The following AGBL4 variants were observed in gnomAD, a reference collection of about 807,000 sequenced individuals.
AGBL4 encodes AGBL carboxypeptidase 4.
AGBL4 carries 58 observed loss-of-function variants against 66.4 expected under a neutral mutation model. The ratio of observed to expected loss-of-function variants is 0.87; its 90% CI spans 0.71 to 1.09. The LOEUF (loss-of-function observed/expected upper bound fraction) is 1.09. Ranked by LOEUF, AGBL4 falls within the 50% of genes least tolerant of loss-of-function variation. The pLI is 0.00. For missense variants in AGBL4, 579 were observed against 631.0 expected (o/e 0.92, Z 0.88); for synonymous variants, 234 against 222.9 (o/e 1.05, Z -0.44).
In AGBL4 at chr1:49,288,310, C is replaced by T. The variant is rs1180718465; in HGVS notation, c.283-42446G>A. 2.0e-5 allele frequency among the ~76,000 whole-genome samples: 3 copies of T among 149,324 alleles called. No individual in the cohort carries two copies. The East Asian group carries it at 6.0e-4, about 30-fold the overall frequency. On this transcript the variant is annotated intron_variant, in intron 3 of 13. Transcript: ENST00000371839. ...AGCACACCAGCATGGCACATGTATA[C>T]ATATGTAACTAACCTGCACAATGTG...
chr1:49,603,713 C>A (rs1480943375), intron 3 of AGBL4, among the ~76,000 whole-genome samples: 1 of 151,820 alleles, frequency 6.6e-6, no homozygotes, highest in Non-Finnish European at 1.5e-5. Flanking sequence ...TACCTTCACT[C>A]CCCTCCCTCC....
chr1:48,601,730 C>T (rs1645076405), intron 9 of AGBL4, among the ~76,000 whole-genome samples: 1 of 152,156 alleles, frequency 6.6e-6, no homozygotes, highest in Non-Finnish European at 1.5e-5. Context: ...CAGAGCCTGG[C>T]TTATCAAGAT....
rs543052239 is a variant in AGBL4, at chr1:48,932,348, G to A, written c.595-65118C>T. 1.6e-4 allele frequency among the ~76,000 whole-genome samples: 24 copies of A among 152,154 alleles called. No homozygotes were observed. The South Asian group carries it at 2.3e-3, about 14-fold the overall frequency. On this transcript the variant is annotated intron_variant, in intron 5 of 13. Transcript: ENST00000371839. ...TCCTTTAGTCTAGTTTTGATTTCCC[G>A]TGTAAAAGGGTCATGAAATTAATGG... is the stretch of plus-strand genomic sequence containing the variant.
intron 3 of AGBL4, among the ~76,000 whole-genome samples, chr1:49,490,589 C>A (rs1438686529): frequency 6.6e-6 from 1 of 151,726 alleles, no homozygotes; most frequent in East Asian, 1.9e-4. Flanking sequence ...ATACTTCTCT[C>A]AAATGTCAGA....
intron 3 of AGBL4, among the ~76,000 whole-genome samples, chr1:49,344,072 G>A (rs1570479057): frequency 6.6e-6 from 1 of 152,242 alleles, no homozygotes; most frequent in African/African-American, 2.4e-5. Context: ...AGGACATGTA[G>A]AGTTAGCCAT....
At chr1:49,691,076 G>A (rs1238753024) in intron 3 of AGBL4, among the ~76,000 whole-genome samples, 2 of 152,100 alleles carry the variant, frequency 1.3e-5, no homozygotes, top group Non-Finnish European at 2.9e-5. Flanking sequence ...AGGTGGAGGA[G>A]GAGGTGAAGG....
intron 2 of AGBL4, among the ~76,000 whole-genome samples, chr1:49,734,844 CTT>C (rs569014716): frequency 1.0e-3 from 157 of 151,824 alleles, no homozygotes; most frequent in African/African-American, 1.5e-3. Context: ...TCATGGGAAA[CTT>C]ATATTATTTT....
intron 3 of AGBL4, among the ~76,000 whole-genome samples, chr1:49,463,959 A>G (rs1394876575): frequency 1.3e-5 from 2 of 151,804 alleles, no homozygotes; most frequent in Non-Finnish European, 2.9e-5. Flanking sequence ...TATTTCCAGC[A>G]TCTGGTACAG....
intron 1 of AGBL4, among the ~76,000 whole-genome samples, chr1:50,017,847 CATA>C (rs1416476859): frequency 6.6e-6 from 1 of 152,048 alleles, no homozygotes; most frequent in Non-Finnish European, 1.5e-5. Flanking sequence ...GCAATTTATC[CATA>C]TAACAAACCT....
At chr1:49,656,069 C>A (rs1295233854) in intron 3 of AGBL4, among the ~76,000 whole-genome samples, 8 of 151,960 alleles carry the variant, frequency 5.3e-5, no homozygotes, top group African/African-American at 1.2e-4. Flanking sequence ...ATAGCTTGAA[C>A]CTGGGAGGCG....
At chr1:49,214,075 T>C (rs1393476677) in intron 4 of AGBL4, among the ~76,000 whole-genome samples, 4 of 152,166 alleles carry the variant, frequency 2.6e-5, no homozygotes, top group Non-Finnish European at 4.4e-5. Flanking sequence ...TAAAGCTCCC[T>C]ATCCAGAGTT....
At chr1:49,337,780 C>T (rs1041098576) in intron 3 of AGBL4, among the ~76,000 whole-genome samples, 5 of 152,176 alleles carry the variant, frequency 3.3e-5, no homozygotes, top group African/African-American at 1.2e-4. Context: ...ATAGTCTGTG[C>T]CTTCTCTGAA....
At chr1:49,709,584 A>G (rs753161364) in intron 2 of AGBL4, among the ~76,000 whole-genome samples, 8 of 152,240 alleles carry the variant, frequency 5.3e-5, no homozygotes, top group Non-Finnish European at 1.0e-4. Context: ...AATGGCAACA[A>G]AAGCCAAAAT....
intron 4 of AGBL4, among the ~76,000 whole-genome samples, chr1:49,174,007 T>C (rs1223752716): frequency 6.6e-6 from 1 of 152,136 alleles, no homozygotes; most frequent in Non-Finnish European, 1.5e-5. Context: ...AGAAGAGTAA[T>C]TTTAGTGAAA....
intron 3 of AGBL4, among the ~76,000 whole-genome samples, chr1:49,555,151 T>G (rs1456891571): frequency 6.6e-6 from 1 of 152,170 alleles, no homozygotes; most frequent in Non-Finnish European, 1.5e-5. Context: ...GAGAGCTGAT[T>G]GGCCCATTTT....
chr1:49,915,331 T>G (rs1459942670), intron 1 of AGBL4, among the ~76,000 whole-genome samples: 1 of 152,112 alleles, frequency 6.6e-6, no homozygotes, highest in Non-Finnish European at 1.5e-5. Context: ...ATTCCCTTTC[T>G]TAGCCAAGGG....
intron 4 of AGBL4, among the ~76,000 whole-genome samples, chr1:49,141,401 C>A (rs771593643): frequency 6.6e-6 from 1 of 152,022 alleles, no homozygotes; most frequent in Non-Finnish European, 1.5e-5. Context: ...ACATGTCAGG[C>A]CCTATTCTAA....
chr1:49,368,074 T>C lies in AGBL4; in HGVS notation c.283-122210A>G, dbSNP rs1461032963. Among the ~76,000 whole-genome samples, 4 of 152,230 alleles carry C rather than the reference T, an allele frequency of 2.6e-5. No individual in the cohort carries two copies. The East Asian group carries it at 7.7e-4, about 29-fold the overall frequency. On this transcript the variant is annotated intron_variant, in intron 3 of 13. Coordinates refer to ENST00000371839, the MANE Select transcript of AGBL4 (RefSeq NM_032785.4). Reference sequence around the variant, plus strand: ...TTGCATATTTTTCAGGGTTCATTCATGTTGTAGCATGTATCAGTCTGTCAT... The same window carrying C: ...TTGCATATTTTTCAGGGTTCATTCACGTTGTAGCATGTATCAGTCTGTCAT...
intron 3 of AGBL4, among the ~76,000 whole-genome samples, chr1:49,307,080 G>T (rs1357994248): frequency 6.6e-6 from 1 of 152,274 alleles, no homozygotes; most frequent in Admixed American, 6.5e-5. Flanking sequence ...ACCAGGTAAA[G>T]TTGGAAAGAA....
Sources: gnomAD v4.1 joint callset for allele counts (sites outside exome capture counted in the v4.1 genomes callset) on GRCh38, gnomAD v4.1.1 for gene constraint, MANE v1.5 for transcripts, NCBI Gene and HGNC (gene_info 2026-07-23, HGNC 2026-07-21) for gene names.